Variants in DIS3L2 observed in about 807,000 individuals in gnomAD.
The protein encoded by DIS3L2 is DIS3-like exonuclease 2.
A neutral mutation model predicts 97.5 loss-of-function variants in DIS3L2; 34 were observed. The ratio of observed to expected loss-of-function variants is 0.35; its 90% CI spans 0.27 to 0.46. The LOEUF (loss-of-function observed/expected upper bound fraction) is 0.46, where lower values mean the gene tolerates loss of function less well. Among genes scored for constraint, DIS3L2 ranks in the 20% least tolerant of loss-of-function variants. The pLI, the probability that DIS3L2 is intolerant of heterozygous loss-of-function variation, is 1.00. For synonymous variants in DIS3L2, 435 were observed against 445.2 expected (o/e 0.98, Z 0.29); for missense variants, 1,038 against 1,146.0 (o/e 0.91, Z 1.36).
intron 5 of DIS3L2, among the ~76,000 whole-genome samples, chr2:232,055,970 G>A (rs1003277764): frequency 2.0e-5 from 3 of 152,088 alleles, no homozygotes; most frequent in Admixed American, 6.5e-5. Flanking sequence ...ATCAATTCTA[G>A]GTAGATAAAA....
downstream of DIS3L2, among the ~76,000 whole-genome samples, chr2:232,340,372 G>A (rs1696078567): frequency 6.6e-6 from 1 of 152,208 alleles, no homozygotes. Context: ...CTGGGGTGAA[G>A]AGGGATGGCT....
chr2:232,315,479 C>G (rs1013232339), intron 14 of DIS3L2, among the ~76,000 whole-genome samples: 2 of 152,108 alleles, frequency 1.3e-5, no homozygotes, highest in Non-Finnish European at 1.5e-5. Flanking sequence ...GTGCTTGGCT[C>G]TCTTAGCTTT....
rs891945151 is a variant in DIS3L2, at chr2:231,961,732, G to C, written c.-127G>C. The C allele has an allele frequency of 1.3e-5, 2 of 153,154 alleles. No individual in the cohort carries two copies. The highest frequency in any genetic ancestry group is 2.9e-5 in the Non-Finnish European group (2 of 68,738). The allele number at this position is 153,154 out of a possible 1,614,324, so 9.5% of individuals were successfully genotyped here. A position where few individuals can be genotyped will look rare whatever the true frequency, so the allele number is the denominator to read the frequency against. ...AAGAGCATTCTCCTTAGCAACTGCG[G>C]GACTGCGGCGGCGCCGGCCTCCGGG... On this transcript the variant is annotated 5_prime_UTR_variant, in exon 1 of 21. Transcript: ENST00000325385.
rs188309337 is a variant in DIS3L2, at chr2:232,175,426, T to G, written c.1124+11794T>G. Among the ~76,000 whole-genome samples the G allele has an allele frequency of 3.9e-4, 59 of 152,322 alleles. 1 individual carries two copies. The highest frequency in any genetic ancestry group is 6.5e-4 in the Non-Finnish European group (44 of 68,016). On this transcript the variant is annotated intron_variant, in intron 9 of 20. Coordinates refer to ENST00000325385, the MANE Select transcript of DIS3L2 (RefSeq NM_152383.5). ...AGATTTGGTTTACTGGATTCCTTTTTAGGATCTTTGCTTCGTATTTTTAAG... is the reference window on the plus strand; with the variant it reads ...AGATTTGGTTTACTGGATTCCTTTTGAGGATCTTTGCTTCGTATTTTTAAG...
chr2:232,341,078 A>G, downstream of DIS3L2: 1 of 381,584 alleles, frequency 2.6e-6, no homozygotes, highest in South Asian at 2.0e-5. Flanking sequence ...CCGTGGAGAC[A>G]CATTTCAGCG....
chr2:232,318,204 A>G (rs1695330763), intron 14 of DIS3L2, among the ~76,000 whole-genome samples: 1 of 152,248 alleles, frequency 6.6e-6, no homozygotes, highest in Non-Finnish European at 1.5e-5. Context: ...AACTTGCAAG[A>G]ATCTTCAGGA....
intron 6 of DIS3L2, among the ~76,000 whole-genome samples, chr2:232,110,431 A>G (rs933902370): frequency 4.6e-5 from 7 of 152,210 alleles, no homozygotes; most frequent in African/African-American, 1.2e-4. Context: ...TAGCAAAGAT[A>G]TGGAATCAAC....
At chr2:232,279,510 GT>G (rs751533844) in intron 13 of DIS3L2, among the ~76,000 whole-genome samples, 1 of 53,792 alleles carries the variant, frequency 1.9e-5, no homozygotes, top group East Asian at 9.6e-4. Context: ...GTGTGTGTTT[GT>G]TTGTTTGTTT....
chr2:232,261,574 C>T (rs1174415465), intron 12 of DIS3L2, among the ~76,000 whole-genome samples: 1 of 152,182 alleles, frequency 6.6e-6, no homozygotes, highest in Non-Finnish European at 1.5e-5. Flanking sequence ...TCTGGCTGCC[C>T]TGGGAGTAAG....
intron 6 of DIS3L2, among the ~76,000 whole-genome samples, chr2:232,110,468 A>C (rs773468412): frequency 2.0e-5 from 3 of 152,240 alleles, no homozygotes; most frequent in Non-Finnish European, 4.4e-5. Flanking sequence ...GACAGTCTGG[A>C]TAAAGAAAAT....
At position 232,088,261 on chromosome 2, in the gene DIS3L2, C is replaced by G. The variant is rs1459256035; in HGVS notation, c.601+540C>G. 1.8e-4 allele frequency among the ~76,000 whole-genome samples: 23 copies of G among 127,222 alleles called. 1 individual carries two copies. The highest frequency in any genetic ancestry group is 1.6e-3 in the Admixed American group (20 of 12,498). 83.5% of individuals were successfully genotyped at this position (127,222 alleles called of 152,430 possible). On this transcript the variant is annotated intron_variant, in intron 6 of 20. Coordinates refer to ENST00000325385, the MANE Select transcript of DIS3L2 (RefSeq NM_152383.5). ...TAAAAATGCAAAAAAATTAGCCAGG[C>G]GTGGGCCGGGCGCGGTGGCTCACGC...
Position 232,329,922 on chromosome 2 carries a change from A to G in DIS3L2, c.1849A>G (p.Met617Val), listed in dbSNP as rs1695686354. ...LRRHPPPQTR[M>V]LSDLVEFCDQ... ...CCGGCACCCCCCGCCCCAAACAAGG[A>G]TGCTCAGTGACCTGGTGGAATTCTG... The change falls in exon 15 of 21, where the codon ATG becomes GTG. Residue 617 changes from methionine to valine, a missense_variant. Met to Val is a conservative substitution (Grantham distance 21). Coordinates refer to ENST00000325385, the MANE Select transcript of DIS3L2 (RefSeq NM_152383.5). 4 of 1,613,064 alleles carry G rather than the reference A, an allele frequency of 2.5e-6. No individual in the cohort carries two copies. The highest frequency in any genetic ancestry group is 3.4e-6 in the Non-Finnish European group (4 of 1,179,784).
chr2:232,155,488 C>A (rs973346097), intron 8 of DIS3L2, among the ~76,000 whole-genome samples: 4 of 152,172 alleles, frequency 2.6e-5, no homozygotes, highest in African/African-American at 9.7e-5. Context: ...ATTTAGAAAT[C>A]TTTATCTTTG....
At chr2:232,083,068 A>ACC (rs58976527) in intron 5 of DIS3L2, among the ~76,000 whole-genome samples, 3,247 of 151,126 alleles carry the variant, frequency 0.021, 117 homozygotes, top group African/African-American at 0.073. Flanking sequence ...GGAAAGACCC[A>ACC]CCCCCCCATG....
intron 9 of DIS3L2, among the ~76,000 whole-genome samples, chr2:232,202,219 G>A (rs943074228): frequency 2.6e-5 from 4 of 152,194 alleles, no homozygotes; most frequent in Non-Finnish European, 5.9e-5. Context: ...CCAACATGGT[G>A]AAACCCCATC....
intron 3 of DIS3L2, 127 bp downstream of exon 3, chr2:232,015,798 T>C (rs1694339871): frequency 2.8e-6 from 3 of 1,060,590 alleles, no homozygotes; most frequent in Non-Finnish European, 4.0e-6. Flanking sequence ...AGGGCTGTTA[T>C]GATGGCATAA....
intron 9 of DIS3L2, among the ~76,000 whole-genome samples, chr2:232,193,723 A>G (rs1406164829): frequency 6.6e-6 from 1 of 152,228 alleles, no homozygotes; most frequent in Non-Finnish European, 1.5e-5. Flanking sequence ...GTCCCAAGGT[A>G]TCACCCAAAG....
At chr2:232,331,731 T>C (rs971197368) in intron 16 of DIS3L2, 4 of 152,388 alleles carry the variant, frequency 2.6e-5, no homozygotes, top group African/African-American at 9.6e-5. Context: ...CCTCTGGCTC[T>C]GCCCTGCTGG....
intron 13 of DIS3L2, 142 bp from the exon 14 acceptor site, chr2:232,299,898 C>T (rs751147001): frequency 4.3e-6 from 3 of 704,156 alleles, no homozygotes; most frequent in Non-Finnish European, 7.2e-6. Context: ...GGGCTCTTCC[C>T]AGAGTGGGCA....
Sources: allele counts gnomAD v4.1 joint callset (sites outside exome capture counted in the v4.1 genomes callset), GRCh38; gene constraint gnomAD v4.1.1; transcripts MANE v1.5; gene names NCBI Gene and HGNC (gene_info 2026-07-23, HGNC 2026-07-21).